Variants in PBRM1 observed in about 807,000 individuals in gnomAD.
PBRM1 encodes the protein protein polybromo-1.
In PBRM1, 27 loss-of-function variants were observed where a neutral mutation model predicts 194.5. The observed-to-expected ratio is 0.14, with a 90% CI of 0.10 to 0.19. The LOEUF is 0.19. PBRM1 is among the 10% of genes least tolerant of loss of function. The pLI is 1.00. For missense variants in PBRM1, 1,466 were observed against 2,077.2 expected (o/e 0.71, Z 5.72); for synonymous variants, 655 against 693.2 (o/e 0.94, Z 0.87).
At chr3:52,643,315 G>A (rs2096176685) in exon 9 of PBRM1, 1 of 1,613,778 alleles carries the variant, frequency 6.2e-7, no homozygotes, top group Non-Finnish European at 8.5e-7. Context: ...GGACCTGTCA[G>A]TCTGGCTGCA....
intron 3 of PBRM1, among the ~76,000 whole-genome samples, chr3:52,665,699 C>G (rs1263182088): frequency 1.3e-5 from 2 of 152,076 alleles, no homozygotes; most frequent in Non-Finnish European, 2.9e-5. Context: ...GAATCTAATG[C>G]CTGATGACAT....
At chr3:52,611,553 T>G (rs1259030119) in intron 15 of PBRM1, among the ~76,000 whole-genome samples, 1 of 152,054 alleles carries the variant, frequency 6.6e-6, no homozygotes, top group African/African-American at 2.4e-5. Context: ...CCTGCAATAC[T>G]AGTACTATGG....
chr3:52,652,379 C>G (rs192861001), intron 5 of PBRM1, among the ~76,000 whole-genome samples: 1 of 128,526 alleles, frequency 7.8e-6, no homozygotes, highest in South Asian at 2.5e-4. Context: ...AAAGAGACTT[C>G]GTCTCAAAAA....
At chr3:52,615,808 C>G (rs2094921953) in intron 14 of PBRM1, among the ~76,000 whole-genome samples, 1 of 152,206 alleles carries the variant, frequency 6.6e-6, no homozygotes. Flanking sequence ...AGGTAGCAGA[C>G]TTAGCCCAAT....
intron 20 of PBRM1, among the ~76,000 whole-genome samples, chr3:52,583,953 G>GT (rs1037820592): frequency 6.6e-6 from 1 of 151,932 alleles, no homozygotes; most frequent in Non-Finnish European, 1.5e-5. Flanking sequence ...TTTTAATTTT[G>GT]TTTTTTAACT....
intron 17 of PBRM1, among the ~76,000 whole-genome samples, chr3:52,599,798 C>A (rs1474970597): frequency 1.3e-5 from 2 of 151,620 alleles, no homozygotes; most frequent in Non-Finnish European, 2.9e-5. Context: ...CCACTGCACT[C>A]CAGCCTGGGC....
intron 25 of PBRM1, chr3:52,560,704 G>C (rs879686892): frequency 2.0e-5 from 3 of 152,178 alleles, no homozygotes; most frequent in Non-Finnish European, 4.4e-5. Context: ...TCTCAAACTG[G>C]TTTTGCCACA....
chr3:52,585,459 T>C (rs949718752), intron 20 of PBRM1: 1 of 152,204 alleles, frequency 6.6e-6, no homozygotes, highest in Non-Finnish European at 1.5e-5. Flanking sequence ...CCTAGACAAT[T>C]AGCCATTTTA....
At position 52,615,333 on chromosome 3, in the gene PBRM1, A is replaced by G; in HGVS notation, c.1924+18T>C. 7.6e-7 allele frequency: 1 copy of G among 1,314,470 alleles called. No individual in the cohort carries two copies. Among genetic ancestry groups the G allele is most frequent in the Non-Finnish European group, 1.1e-6 (1 of 907,476 alleles). The allele number at this position is 1,314,470 out of a possible 1,614,324, so 81.4% of individuals were successfully genotyped here. ...CTTGATAGACTAAACTAAATAATGA[A>G]GTGTGAGGCTGCCTTACTCAGCTTG... is the stretch of plus-strand genomic sequence containing the variant. On this transcript the variant is annotated intron_variant, in intron 15 of 29. Transcript: ENST00000296302.
At chr3:52,649,149 C>T (rs1458292462) in intron 6 of PBRM1, among the ~76,000 whole-genome samples, 1 of 152,046 alleles carries the variant, frequency 6.6e-6, no homozygotes, top group Non-Finnish European at 1.5e-5. Flanking sequence ...ACAAAAGAGG[C>T]AGAATCCAGA....
chr3:52,645,515 T>C lies in PBRM1; in HGVS notation c.814-726A>G, dbSNP rs1577441626. Among the ~76,000 whole-genome samples, 3 of 151,974 alleles carry C rather than the reference T, an allele frequency of 2.0e-5. No individual in the cohort carries two copies. The East Asian group carries it at 5.8e-4, about 29-fold the overall frequency. On this transcript the variant is annotated intron_variant, in intron 7 of 29. Coordinates refer to ENST00000296302, the Ensembl canonical transcript of PBRM1. The stretch of plus-strand genomic sequence containing the variant: ...AGCAATCTCAGCATACCTTTTTTTT[T>C]TTTTTTTCCTTTCTTAAGTCAAGAA...
At chr3:52,576,776 C>A in intron 21 of PBRM1, 78 bp from the exon 24 acceptor site, 1 of 1,128,658 alleles carries the variant, frequency 8.9e-7, no homozygotes, top group Non-Finnish European at 1.3e-6. Flanking sequence ...TCGCATTAAC[C>A]AAAAACTTAG....
chr3:52,609,671 T>C lies in PBRM1; in HGVS notation c.2209A>G (p.Thr737Ala). 2 of 1,613,490 alleles carry C rather than the reference T, an allele frequency of 1.2e-6. No homozygotes were observed. The highest frequency in any genetic ancestry group is 1.7e-6 in the Non-Finnish European group (2 of 1,179,518). ...ATCAAAGACTCCGGCTCATTGTATG[T>C]ACAGGCATTATTAAACATCATGACA... Residue 737 changes from threonine (T) to alanine (A), a missense_variant, in exon 16 of 30, where the codon ACA (threonine) becomes GCA (alanine). By Grantham distance (58) the Thr-to-Ala change is moderately conservative. Coordinates refer to ENST00000296302, the Ensembl canonical transcript of PBRM1. The surrounding 1 kb of genome is among the most constrained non-coding windows in gnomAD (Gnocchi z 4.1).
intron 3 of PBRM1, among the ~76,000 whole-genome samples, chr3:52,664,733 C>CA (rs796519581): frequency 1.9e-3 from 200 of 106,806 alleles, no homozygotes; most frequent in East Asian, 5.8e-3. Flanking sequence ...GACTCTATCA[C>CA]AAAAAAAAAA....
upstream of PBRM1, among the ~76,000 whole-genome samples, chr3:52,680,944 A>G (rs1353040773): frequency 6.6e-6 from 1 of 151,684 alleles, no homozygotes; most frequent in Non-Finnish European, 1.5e-5. Context: ...AAAAAAAAAG[A>G]TCCCAGTTTC....
At chr3:52,636,021 G>A (rs778505103) in intron 10 of PBRM1, among the ~76,000 whole-genome samples, 12 of 151,496 alleles carry the variant, frequency 7.9e-5, no homozygotes, top group African/African-American at 1.9e-4. Context: ...GTGCCACCAC[G>A]CCTGGCCAAT....
intron 22 of PBRM1, among the ~76,000 whole-genome samples, chr3:52,574,260 A>G (rs1278814788): frequency 6.6e-6 from 1 of 152,218 alleles, no homozygotes; most frequent in Non-Finnish European, 1.5e-5. Flanking sequence ...CAGCAAACCC[A>G]TTCAGACAGA....
At chr3:52,677,965 C>T (rs897386031) in intron 2 of PBRM1, among the ~76,000 whole-genome samples, 1 of 152,098 alleles carries the variant, frequency 6.6e-6, no homozygotes, top group African/African-American at 2.4e-5. Context: ...AATTCCCAGG[C>T]TCAAACAATC....
rs2094499907 is a variant in PBRM1, at chr3:52,609,307, A to G, written c.2567+6T>C. 6.2e-7 allele frequency: 1 copy of G among 1,602,730 alleles called. No homozygotes were observed. Among genetic ancestry groups the G allele is most frequent in the Non-Finnish European group, 8.5e-7 (1 of 1,173,032 alleles). On this transcript the variant is annotated splice_donor_region_variant and intron_variant, in intron 16 of 29. Coordinates refer to ENST00000296302, the Ensembl canonical transcript of PBRM1. This position sits in a 1 kb window ranked among gnomAD's most constrained non-coding sequence, Gnocchi z 4.1. ...CCTCAAAATAAAAATGGCTTTGAAA[A>G]CATACCGATTCATCCTTCTTGCTCG...
Sources: gnomAD v4.1 joint callset for allele counts (sites outside exome capture counted in the v4.1 genomes callset) on GRCh38, gnomAD v4.1.1 for gene constraint, Gnocchi (gnomAD v3.1) non-coding constraint, MANE v1.5 for transcripts, NCBI Gene and HGNC (gene_info 2026-07-23, HGNC 2026-07-21) for gene names.